The following PRKD2 variants were observed in gnomAD, a reference collection of about 807,000 sequenced individuals.
The protein encoded by PRKD2 is serine/threonine-protein kinase D2.
PRKD2 carries 22 observed loss-of-function variants against 86.0 expected under a neutral mutation model. The ratio of observed to expected loss-of-function variants is 0.26; its 90% CI spans 0.18 to 0.37. PRKD2 has a LOEUF of 0.37. Among genes scored for constraint, PRKD2 ranks in the 10% least tolerant of loss-of-function variants. PRKD2 has a pLI of 1.00. For synonymous variants in PRKD2, 509 were observed against 510.9 expected (o/e 1.00, Z 0.05); for missense variants, 818 against 1,199.2 (o/e 0.68, Z 4.70).
Position 46,704,378 on chromosome 19 carries a change from G to T in PRKD2, c.680C>A (p.Thr227Asn), listed in dbSNP as rs139391523. 2.7e-5 allele frequency: 43 copies of T among 1,614,016 alleles called. No homozygotes were observed. The African/African-American group carries it at 4.9e-4, about 19-fold the overall frequency. Residue 227 changes from threonine (T) to asparagine (N), a missense_variant, in exon 5 of 18, where the codon ACC becomes AAC. Physicochemically the swap from Thr to Asn is moderately conservative, Grantham distance 65. Transcript: ENST00000291281. ...CGGGGGACGGCGAGGCAGGAGTTCG[G>T]TGGTGCTACGGCTCTGTCGTTGGCA... is the stretch of plus-strand genomic sequence containing the variant. ...CTAEELSRST[T>N]ELLPRRPPSS...
Position 46,690,502 on chromosome 19 carries a change from C to T in PRKD2, c.1809+98G>A, listed in dbSNP as rs956891753. The T allele has an allele frequency of 8.7e-6, 9 of 1,036,404 alleles. No homozygotes were observed. In the African/African-American group the frequency reaches 1.3e-4, roughly 14 times the overall value. 64.2% of individuals were successfully genotyped at this position (1,036,404 alleles called of 1,614,324 possible). On this transcript the variant is annotated intron_variant, in intron 13 of 17. Coordinates refer to ENST00000291281, the MANE Select transcript of PRKD2 (RefSeq NM_016457.5). Reference sequence around the variant, plus strand: ...TTCTCCCCTTCAGTCTCAACATGCACATGCCCTCCCCCAGGAAGCCTTCCC... The same window carrying T: ...TTCTCCCCTTCAGTCTCAACATGCATATGCCCTCCCCCAGGAAGCCTTCCC...
chr19:46,704,669 G>T lies in PRKD2; in HGVS notation c.512-20C>A, dbSNP rs758870796. 15 of 1,580,844 alleles carry T rather than the reference G, an allele frequency of 9.5e-6. No individual in the cohort carries two copies. In the East Asian group the frequency reaches 3.4e-4, roughly 35 times the overall value. Reference sequence around the variant, plus strand: ...CGCAGCCTGCAGGGGGCGCCAGAGAGTAAGAGACATGGCGTCTGCCCCTCC... The same window carrying T: ...CGCAGCCTGCAGGGGGCGCCAGAGATTAAGAGACATGGCGTCTGCCCCTCC... On this transcript the variant is annotated intron_variant, in intron 3 of 17. Coordinates refer to ENST00000291281, the MANE Select transcript of PRKD2 (RefSeq NM_016457.5).
At chr19:46,713,186 CTTTTT>C (rs59172459) in intron 2 of PRKD2, among the ~76,000 whole-genome samples, 1 of 119,016 alleles carries the variant, frequency 8.4e-6, no homozygotes, top group African/African-American at 3.3e-5. Context: ...GCCCGGTTAA[CTTTTT>C]TTTTTTTTTT....
intron 9 of PRKD2, among the ~76,000 whole-genome samples, chr19:46,695,014 C>A (rs184692134): frequency 7.9e-4 from 120 of 151,242 alleles, no homozygotes; most frequent in Non-Finnish European, 1.3e-3. Context: ...CCAGCCAGAG[C>A]AACACAATGA....
chr19:46,697,842 C>A lies in PRKD2; in HGVS notation c.1130G>T (p.Gly377Val), dbSNP rs200312083. 1.9e-6 allele frequency: 3 copies of A among 1,612,960 alleles called. No homozygotes were observed. The highest frequency in any genetic ancestry group is 1.7e-4 in the Middle Eastern group (1 of 6,058). The change falls in exon 8 of 18, where the codon GGG (glycine) becomes GTG (valine). Residue 377 changes from glycine to valine, a missense_variant. Physicochemically the swap from Gly to Val is moderately radical, Grantham distance 109. This residue lies in a region of PRKD2 where 403 missense variants were observed against 518.6 expected (regional missense o/e 0.78). Coordinates refer to ENST00000291281, the MANE Select transcript of PRKD2 (RefSeq NM_016457.5). Reference sequence around the variant, plus strand: ...CACCACCCTCATTAGGGGGATGTACCCCAGGGAGCTGCGAAGGAAGAGGAA... The same window carrying A: ...CACCACCCTCATTAGGGGGATGTACACCAGGGAGCTGCGAAGGAAGAGGAA... ...GEGGKAQSSL[G>V]YIPLMRVVQS...
intron 2 of PRKD2, 114 bp downstream of exon 2, chr19:46,713,749 G>T: frequency 9.6e-7 from 1 of 1,043,910 alleles, no homozygotes. Context: ...GGGATCACAG[G>T]CGTGAGCCAC....
intron 7 of PRKD2, among the ~76,000 whole-genome samples, chr19:46,698,492 A>C (rs1454887038): frequency 6.6e-6 from 1 of 152,170 alleles, no homozygotes; most frequent in Non-Finnish European, 1.5e-5. Context: ...CTTTCTACGG[A>C]GCTTAGTACA....
chr19:46,698,490 G>A (rs955174150), intron 7 of PRKD2, among the ~76,000 whole-genome samples: 2 of 152,190 alleles, frequency 1.3e-5, no homozygotes, highest in African/African-American at 4.8e-5. Context: ...ACCTTTCTAC[G>A]GAGCTTAGTA....
chr19:46,689,998 C>T (rs969385430), intron 13 of PRKD2, among the ~76,000 whole-genome samples: 2 of 152,272 alleles, frequency 1.3e-5, no homozygotes, highest in East Asian at 3.9e-4. Context: ...CCTCAGCCTC[C>T]CAAAGTGCTG....
In PRKD2 at chr19:46,714,049, T is replaced by G. The variant is rs778789166; in HGVS notation, c.241-48A>C. 3.2e-5 allele frequency: 51 copies of G among 1,596,314 alleles called. No homozygotes were observed. In the South Asian group the frequency reaches 4.6e-4, roughly 14 times the overall value. ...GGCGACGGAAAAGCTCAGAGCCGCC[T>G]TCAGCAGCGGGCGGACTGTGACCCT... On this transcript the variant is annotated intron_variant, in intron 1 of 17. Transcript: ENST00000291281.
At chr19:46,704,436 C>T (rs1312457445) in intron 4 of PRKD2, 45 bp from the exon 5 acceptor site, 1 of 1,613,876 alleles carries the variant, frequency 6.2e-7, no homozygotes, top group East Asian at 2.2e-5. Context: ...GCGTTGGCCC[C>T]ATGCCTGGGC....
At chr19:46,700,675 G>T in intron 7 of PRKD2, 124 bp downstream of exon 7, 1 of 1,274,268 alleles carries the variant, frequency 7.8e-7, no homozygotes, top group Non-Finnish European at 1.1e-6. Flanking sequence ...TAAAAGGTTT[G>T]CCTCAGGAAC....
intron 7 of PRKD2, among the ~76,000 whole-genome samples, chr19:46,698,445 T>C (rs2053591886): frequency 6.6e-6 from 1 of 152,214 alleles, no homozygotes; most frequent in Admixed American, 6.5e-5. Flanking sequence ...ATGCCTCAGT[T>C]TGTCCACCCA....
intron 7 of PRKD2, among the ~76,000 whole-genome samples, chr19:46,700,105 G>T (rs1396214481): frequency 6.6e-6 from 1 of 151,824 alleles, no homozygotes. Context: ...GGGCCTGGGC[G>T]GGTGCCTGTA....
chr19:46,680,857 C>T (rs867505609), intron 15 of PRKD2, among the ~76,000 whole-genome samples: 14 of 147,912 alleles, frequency 9.5e-5, no homozygotes, highest in Admixed American at 1.4e-4. Context: ...GCATGAGCCA[C>T]CTCCCCTGGC....
At position 46,694,614 on chromosome 19, in the gene PRKD2, C is replaced by A. The variant is rs561178918; in HGVS notation, c.1318-481G>T. ...CGTCTCAAAAATAATAATAATAATA[C>A]TAATTACTGGCAGAAGTGATATTGA... On this transcript the variant is annotated intron_variant, in intron 9 of 17. Coordinates refer to ENST00000291281, the MANE Select transcript of PRKD2 (RefSeq NM_016457.5). Among the ~76,000 whole-genome samples, 7 of 151,792 alleles carry A rather than the reference C, an allele frequency of 4.6e-5. No individual in the cohort carries two copies. In the East Asian group the frequency reaches 7.8e-4, roughly 17 times the overall value.
chr19:46,697,110 G>A, intron 9 of PRKD2, 47 bp downstream of exon 9: 1 of 1,451,386 alleles, frequency 6.9e-7, no homozygotes, highest in Non-Finnish European at 9.7e-7. Flanking sequence ...GGGAAAGTTT[G>A]TGGGCACAGC....
Position 46,674,498 on chromosome 19 carries a change from A to G in PRKD2, c.*25T>C. ...CCTGTGAAGAACCGCTGTGGAGGGC[A>G]GCAGCTGGACGAGGGCACAGGACCT... On this transcript the variant is annotated 3_prime_UTR_variant, in exon 18 of 18. Coordinates refer to ENST00000291281, the MANE Select transcript of PRKD2 (RefSeq NM_016457.5). 1 of 1,597,130 alleles carries G rather than the reference A, an allele frequency of 6.3e-7. No individual in the cohort carries two copies. The highest frequency in any genetic ancestry group is 1.7e-4 in the Middle Eastern group (1 of 5,858).
chr19:46,714,816 T>TG (rs1373804375), intron 1 of PRKD2, among the ~76,000 whole-genome samples: 1 of 152,144 alleles, frequency 6.6e-6, no homozygotes, highest in Non-Finnish European at 1.5e-5. Flanking sequence ...TGGGCTGAGT[T>TG]GGGGTGGTGA....
Sources: gnomAD v4.1 joint callset for allele counts (sites outside exome capture counted in the v4.1 genomes callset) on GRCh38, gnomAD v4.1.1 for gene constraint, gnomAD v4.1.1 regional missense constraint, MANE v1.5 for transcripts, NCBI Gene and HGNC (gene_info 2026-07-23, HGNC 2026-07-21) for gene names.